Variants in ANTXRL observed in about 807,000 individuals in gnomAD.
ANTXRL encodes anthrax toxin receptor-like.
In ANTXRL, 63 loss-of-function variants were observed where a neutral mutation model predicts 75.4. That is an observed-to-expected ratio of 0.84 (90% CI 0.68 to 1.03). The LOEUF is 1.03. ANTXRL is among the 50% of genes least tolerant of loss of function. The probability of loss-of-function intolerance (pLI) is 0.00; values close to 1 mark genes in which losing one functional copy is unlikely to be tolerated. For missense variants in ANTXRL, 797 were observed against 789.4 expected (o/e 1.01, Z -0.12); for synonymous variants, 335 against 291.3 (o/e 1.15, Z -1.53).
intron 10 of ANTXRL, among the ~76,000 whole-genome samples, chr10:46,303,532 A>C (rs559206831): frequency 6.6e-6 from 1 of 152,300 alleles, no homozygotes; most frequent in East Asian, 1.9e-4. Context: ...GAAATTCTCT[A>C]ATGAGCATTT....
chr10:46,321,764 A>T (rs1382815090), intron 16 of ANTXRL, among the ~76,000 whole-genome samples: 1 of 152,140 alleles, frequency 6.6e-6, no homozygotes, highest in African/African-American at 2.4e-5. Flanking sequence ...CGGTTCTGTT[A>T]CTAGGGGCAT....
intron 11 of ANTXRL, among the ~76,000 whole-genome samples, 156 bp from the exon 12 acceptor site, chr10:46,307,246 G>A (rs1838150386): frequency 6.6e-6 from 1 of 152,120 alleles, no homozygotes; most frequent in Non-Finnish European, 1.5e-5. Context: ...ACCCCATGCA[G>A]GGCCCCTCAC....
chr10:46,309,028 G>T lies in ANTXRL; in HGVS notation c.1045-85G>T. 5 of 1,522,640 alleles carry T rather than the reference G, an allele frequency of 3.3e-6. No individual in the cohort carries two copies. The South Asian group carries it at 6.0e-5, about 18-fold the overall frequency. The allele number at this position is 1,522,640 out of a possible 1,614,324, so 94.3% of individuals were successfully genotyped here. A position where few individuals can be genotyped will look rare whatever the true frequency, so the allele number is the denominator to read the frequency against. ...GGATGCGGGGCCAGCTAGGGAGAGT[G>T]AGGAGTGGGCAGATGGGCCACCAAG... is the stretch of plus-strand genomic sequence containing the variant. On this transcript the variant is annotated intron_variant, in intron 12 of 16. Transcript: ENST00000620264.
chr10:46,309,768 G>A (rs1838314469), intron 13 of ANTXRL, among the ~76,000 whole-genome samples: 1 of 152,102 alleles, frequency 6.6e-6, no homozygotes, highest in African/African-American at 2.4e-5. Flanking sequence ...GACAGAAATG[G>A]TGGCTACCAT....
chr10:46,309,284 G>A lies in ANTXRL; in HGVS notation c.1134+82G>A, dbSNP rs1307443996. The A allele has an allele frequency of 9.4e-5, 143 of 1,526,824 alleles. No homozygotes were observed. In the African/African-American group the frequency reaches 1.1e-3, roughly 12 times the overall value. The allele number at this position is 1,526,824 out of a possible 1,614,324, so 94.6% of individuals were successfully genotyped here. A position where few individuals can be genotyped will look rare whatever the true frequency, so the allele number is the denominator to read the frequency against. On this transcript the variant is annotated intron_variant, in intron 13 of 16. Coordinates refer to ENST00000620264, the MANE Select transcript of ANTXRL (RefSeq NM_001278688.3). ...GGACTCTAACATGTGACTGCCCCCC[G>A]TGATCCCGCCTGTGGGAAGTTTCCC...
intron 9 of ANTXRL, among the ~76,000 whole-genome samples, chr10:46,301,968 C>G (rs1396276747): frequency 1.3e-5 from 2 of 152,178 alleles, no homozygotes; most frequent in African/African-American, 2.4e-5. Context: ...TGCATGTGTC[C>G]CCTGTGGTCT....
At chr10:46,326,549 G>T (rs1554966538) in intron 16 of ANTXRL, among the ~76,000 whole-genome samples, 1 of 152,136 alleles carries the variant, frequency 6.6e-6, no homozygotes, top group East Asian at 1.9e-4. Flanking sequence ...AGGAAAAAAG[G>T]TTGGGGGCTG....
chr10:46,308,875 C>T (rs1554962638), intron 12 of ANTXRL, among the ~76,000 whole-genome samples: 1 of 152,282 alleles, frequency 6.6e-6, no homozygotes, highest in African/African-American at 2.4e-5. Flanking sequence ...AGGGTGGGAT[C>T]ATCAGACCAT....
intron 16 of ANTXRL, among the ~76,000 whole-genome samples, chr10:46,328,935 TG>T (rs1312321483): frequency 6.6e-6 from 1 of 152,084 alleles, no homozygotes; most frequent in African/African-American, 2.4e-5. Context: ...TGAAAGGCCC[TG>T]ATCAAGTCTT....
At chr10:46,320,905 C>A (rs1440243349) in intron 16 of ANTXRL, among the ~76,000 whole-genome samples, 6 of 152,154 alleles carry the variant, frequency 3.9e-5, no homozygotes. Flanking sequence ...AGATAATTCC[C>A]AGGTCTTGAG....
Position 46,329,449 on chromosome 10 carries a change from C to T in ANTXRL, c.1411-150C>T. 8.7e-6 allele frequency: 9 copies of T among 1,035,408 alleles called. 1 individual carries two copies. The South Asian group carries it at 1.6e-4, about 18-fold the overall frequency. 64.1% of individuals were successfully genotyped at this position (1,035,408 alleles called of 1,614,324 possible). ...AAGGAGGAGTCCAGGCTGGAGGCAG[C>T]ACCAAGGGGAGAGAGGAGGAGCACA... On this transcript the variant is annotated intron_variant, in intron 16 of 16. Transcript: ENST00000620264.
intron 12 of ANTXRL, chr10:46,308,708 C>G: frequency 3.0e-6 from 1 of 334,484 alleles, no homozygotes; most frequent in Non-Finnish European, 5.8e-6. Context: ...GATGTGCCCA[C>G]GGTGCAGAGC....
rs148963271 is a variant in ANTXRL at position 46,308,100 on chromosome 10, G to A, written c.1044+620G>A. On this transcript the variant is annotated intron_variant, in intron 12 of 16. Coordinates refer to ENST00000620264, the MANE Select transcript of ANTXRL (RefSeq NM_001278688.3). ...GCCGCATAGGCAGGAGGATGTGCTG[G>A]AGGGACGGGCGGGAGGCCTGAGCCC... 1.2e-4 allele frequency among the ~76,000 whole-genome samples: 19 copies of A among 152,294 alleles called. No homozygotes were observed. The East Asian group carries it at 3.7e-3, about 29-fold the overall frequency.
At chr10:46,292,196 G>A in intron 2 of ANTXRL, 67 bp downstream of exon 2, 1 of 1,458,518 alleles carries the variant, frequency 6.9e-7, no homozygotes, top group Non-Finnish European at 9.3e-7. Context: ...GGCAGGCAGA[G>A]GGCACATCCC....
In ANTXRL at chr10:46,330,042, A is replaced by T; in HGVS notation, c.1854A>T (p.Ala618=). 1 of 1,528,944 alleles carries T rather than the reference A, an allele frequency of 6.5e-7. No homozygotes were observed. Among genetic ancestry groups the T allele is most frequent in the Non-Finnish European group, 8.8e-7 (1 of 1,142,592 alleles). The allele number at this position is 1,528,944 out of a possible 1,614,324, so 94.7% of individuals were successfully genotyped here. A position where few individuals can be genotyped will look rare whatever the true frequency, so the allele number is the denominator to read the frequency against. The change falls in exon 17 of 17, where the codon GCA becomes GCT. Residue 618 remains alanine, a synonymous_variant. Coordinates refer to ENST00000620264, the MANE Select transcript of ANTXRL (RefSeq NM_001278688.3). ...PLLSPLLRHT[A]EPPLSLPPSE... is the part of the protein sequence containing the mutation. ...TGTCCCCACTGCTCAGGCACACGGC[A>T]GAACCCCCTTTGTCACTCCCCCCCT...
chr10:46,295,403 C>T (rs1554958237), intron 3 of ANTXRL, among the ~76,000 whole-genome samples: 2 of 151,906 alleles, frequency 1.3e-5, no homozygotes, highest in Non-Finnish European at 2.9e-5. Context: ...ATGTCAACCC[C>T]ATTGACAGTG....
chr10:46,287,968 C>T (rs1268745846), intron 1 of ANTXRL, among the ~76,000 whole-genome samples: 2 of 152,138 alleles, frequency 1.3e-5, no homozygotes, highest in African/African-American at 2.4e-5. Flanking sequence ...TCTAATGTCA[C>T]TGCTTAGAGA....
intron 6 of ANTXRL, 31 bp from the exon 7 acceptor site, chr10:46,297,375 T>G (rs1837442455): frequency 6.5e-7 from 1 of 1,536,056 alleles, no homozygotes; most frequent in Non-Finnish European, 8.7e-7. Context: ...TGTATTTTGA[T>G]GACCAATATG....
chr10:46,305,111 G>A (rs1554961560), intron 10 of ANTXRL, among the ~76,000 whole-genome samples: 5 of 152,126 alleles, frequency 3.3e-5, no homozygotes, highest in African/African-American at 9.7e-5. Flanking sequence ...AGAGATCCCC[G>A]GAACATGTCC....
Sources: gnomAD v4.1 joint callset for allele counts (sites outside exome capture counted in the v4.1 genomes callset) on GRCh38, gnomAD v4.1.1 for gene constraint, MANE v1.5 for transcripts, NCBI Gene and HGNC (gene_info 2026-07-23, HGNC 2026-07-21) for gene names.